Variants in PDGFD observed in about 807,000 individuals in gnomAD.
PDGFD encodes platelet-derived growth factor D.
Under a neutral mutation model 44.7 loss-of-function variants are expected in PDGFD, and 30 were observed. The observed-to-expected ratio is 0.67, with a 90% CI of 0.50 to 0.91. The LOEUF (loss-of-function observed/expected upper bound fraction) is 0.91. Ranked by LOEUF, PDGFD falls within the 40% of genes least tolerant of loss-of-function variation. The pLI, the probability that PDGFD is intolerant of heterozygous loss-of-function variation, is 0.00. For synonymous variants in PDGFD, 173 were observed against 168.4 expected (o/e 1.03, Z -0.21); for missense variants, 445 against 457.8 (o/e 0.97, Z 0.25).
At chr11:103,930,880 T>A (rs774785841) in intron 5 of PDGFD, among the ~76,000 whole-genome samples, 4 of 152,186 alleles carry the variant, frequency 2.6e-5, no homozygotes, top group Non-Finnish European at 4.4e-5. Context: ...CTATTCAGAG[T>A]CTACTTTTGT....
chr11:104,015,525 T>C (rs1211653464), intron 1 of PDGFD, among the ~76,000 whole-genome samples: 1 of 152,188 alleles, frequency 6.6e-6, no homozygotes, highest in Non-Finnish European at 1.5e-5. Flanking sequence ...ATACAAAAAA[T>C]GATTTTAAAG....
At chr11:103,984,797 A>G (rs1002613733) in intron 3 of PDGFD, among the ~76,000 whole-genome samples, 5 of 143,204 alleles carry the variant, frequency 3.5e-5, no homozygotes, top group Admixed American at 2.9e-4. Flanking sequence ...TTAAATAATT[A>G]TATTTAATAT....
At chr11:104,070,029 A>AT (rs144457096) in intron 1 of PDGFD, among the ~76,000 whole-genome samples, 26,082 of 152,208 alleles carry the variant, frequency 0.17, 2,917 homozygotes, top group South Asian at 0.25. Flanking sequence ...AAGCCCCTAC[A>AT]TGTTGGACTT....
intron 1 of PDGFD, among the ~76,000 whole-genome samples, chr11:104,014,256 G>A (rs1352511970): frequency 6.6e-6 from 1 of 152,140 alleles, no homozygotes; most frequent in Admixed American, 6.5e-5. Flanking sequence ...AGCATATTTG[G>A]GAGGCCAAGG....
chr11:103,938,973 T>G (rs1858537655), intron 5 of PDGFD, among the ~76,000 whole-genome samples: 1 of 152,230 alleles, frequency 6.6e-6, no homozygotes, highest in South Asian at 2.1e-4. Context: ...TAGTGTAGTT[T>G]GAAGTCAGGT....
intron 3 of PDGFD, among the ~76,000 whole-genome samples, chr11:103,954,570 T>G (rs1858808672): frequency 6.6e-6 from 1 of 152,248 alleles, no homozygotes. Flanking sequence ...TTGGGAGTTT[T>G]TAAAAAGCTT....
At chr11:103,935,868 G>A (rs1246356911) in intron 5 of PDGFD, among the ~76,000 whole-genome samples, 1 of 152,040 alleles carries the variant, frequency 6.6e-6, no homozygotes, top group Non-Finnish European at 1.5e-5. Context: ...GAGAATCAGG[G>A]GTCTGTAAGT....
chr11:104,139,337 G>A (rs7110257), intron 1 of PDGFD, among the ~76,000 whole-genome samples: 2,413 of 152,098 alleles, frequency 0.016, 52 homozygotes, highest in African/African-American at 0.054. Context: ...GGAGGCTGCC[G>A]GGGATATAAC....
chr11:103,924,032 G>A (rs1389669912), intron 6 of PDGFD, among the ~76,000 whole-genome samples: 1 of 152,194 alleles, frequency 6.6e-6, no homozygotes. Flanking sequence ...TTATTGTGTA[G>A]AGAGATAAGA....
Position 104,163,913 on chromosome 11 carries a change from G to A in PDGFD, c.15C>T (p.Ile5=), listed in dbSNP as rs751162531. The A allele has an allele frequency of 1.3e-6, 2 of 1,550,558 alleles. No homozygotes were observed. Among genetic ancestry groups the A allele is most frequent in the African/African-American group, 1.4e-5 (1 of 73,994 alleles). The change falls in exon 1 of 7, where the codon ATC becomes ATT. Residue 5 remains isoleucine, a synonymous_variant. Transcript: ENST00000393158. ...TTGCGCAGATTAGAGTGTAGACAAAGATGAGCCGGTGCATTTGGGATCAGC... is the reference window on the plus strand; with the variant it reads ...TTGCGCAGATTAGAGTGTAGACAAAAATGAGCCGGTGCATTTGGGATCAGC... MHRL[I]FVYTLICANF... is the part of the protein sequence containing the mutation.
intron 1 of PDGFD, among the ~76,000 whole-genome samples, chr11:104,105,214 C>T (rs1348646152): frequency 6.6e-6 from 1 of 152,146 alleles, no homozygotes; most frequent in African/African-American, 2.4e-5. Context: ...CCTCAGGTCT[C>T]TGATTGGAAT....
chr11:103,936,975 T>A (rs1858498532), intron 5 of PDGFD, among the ~76,000 whole-genome samples: 1 of 151,882 alleles, frequency 6.6e-6, no homozygotes, highest in Non-Finnish European at 1.5e-5. Context: ...TACAGGTATA[T>A]GCTTCACGCG....
At position 104,072,797 on chromosome 11, in the gene PDGFD, C is replaced by G. The variant is rs1252758646; in HGVS notation, c.125-72542G>C. On this transcript the variant is annotated intron_variant, in intron 1 of 6. Transcript: ENST00000393158. The stretch of plus-strand genomic sequence containing the variant: ...AAATGGGTGTTAAATTTGTCAGAAG[C>G]TTTTTCAGAATCTCTGGAAGTTAGA... 2.0e-5 allele frequency among the ~76,000 whole-genome samples: 3 copies of G among 151,890 alleles called. No homozygotes were observed. In the East Asian group the frequency reaches 5.8e-4, roughly 29 times the overall value.
At chr11:104,002,410 G>A (rs1037169152) in intron 1 of PDGFD, among the ~76,000 whole-genome samples, 1 of 152,094 alleles carries the variant, frequency 6.6e-6, no homozygotes, top group African/African-American at 2.4e-5. Context: ...GCTTAAAAGT[G>A]TGGCGGTCCC....
At chr11:104,058,126 T>A (rs1193941482) in intron 1 of PDGFD, among the ~76,000 whole-genome samples, 3 of 152,060 alleles carry the variant, frequency 2.0e-5, no homozygotes, top group Non-Finnish European at 4.4e-5. Flanking sequence ...ACAAAAAGCA[T>A]GAACCATAAA....
chr11:103,978,166 C>A (rs564639379), intron 3 of PDGFD, among the ~76,000 whole-genome samples: 13 of 152,028 alleles, frequency 8.6e-5, no homozygotes, highest in African/African-American at 3.1e-4. Flanking sequence ...TTTTCAATAG[C>A]AAAATTGAAG....
chr11:104,149,483 T>C lies in PDGFD; in HGVS notation c.124+14321A>G, dbSNP rs558845904. ...CCAAGTTCGGTGAATCAGTGAATGA[T>C]GGCAGTGTTAGTAGTGGTAGGTTAA... On this transcript the variant is annotated intron_variant, in intron 1 of 6. Coordinates refer to ENST00000393158, the MANE Select transcript of PDGFD (RefSeq NM_025208.5). 2.0e-5 allele frequency among the ~76,000 whole-genome samples: 3 copies of C among 152,314 alleles called. No homozygotes were observed. In the South Asian group the frequency reaches 6.2e-4, roughly 32 times the overall value.
At chr11:103,990,984 A>T (rs184413495) in intron 3 of PDGFD, among the ~76,000 whole-genome samples, 3 of 152,054 alleles carry the variant, frequency 2.0e-5, no homozygotes, top group African/African-American at 7.2e-5. Flanking sequence ...CTAAAAATAC[A>T]AAAAATTAGC....
rs1201648918 is a variant in PDGFD at position 103,963,098 on chromosome 11, A to C, written c.511-15374T>G. ...ACATCAGGGGGCTGTTTTGAAGATT[A>C]AACACTTCGTGCTACCTGTAAAGCT... On this transcript the variant is annotated intron_variant, in intron 3 of 6. Coordinates refer to ENST00000393158, the MANE Select transcript of PDGFD (RefSeq NM_025208.5). 2.0e-5 allele frequency among the ~76,000 whole-genome samples: 3 copies of C among 152,186 alleles called. No homozygotes were observed. The East Asian group carries it at 5.8e-4, about 29-fold the overall frequency.
Sources: gnomAD v4.1 joint callset for allele counts (sites outside exome capture counted in the v4.1 genomes callset) on GRCh38, gnomAD v4.1.1 for gene constraint, MANE v1.5 for transcripts, NCBI Gene and HGNC (gene_info 2026-07-23, HGNC 2026-07-21) for gene names.